Variants in GFRA2 observed in about 807,000 individuals in gnomAD.
GFRA2 encodes GDNF family receptor alpha 2.
Under a neutral mutation model 48.3 loss-of-function variants are expected in GFRA2, and 17 were observed. The ratio of observed to expected loss-of-function variants is 0.35; its 90% CI spans 0.24 to 0.53. GFRA2 has a LOEUF of 0.53. GFRA2 is among the 20% of genes least tolerant of loss of function. GFRA2 has a pLI of 0.93. For synonymous variants in GFRA2, 305 were observed against 257.2 expected (o/e 1.19, Z -1.78); for missense variants, 660 against 637.3 (o/e 1.04, Z -0.38).
chr8:21,732,245 T>C lies in GFRA2; in HGVS notation c.794+18343A>G, dbSNP rs188067376. 3.5e-4 allele frequency among the ~76,000 whole-genome samples: 54 copies of C among 152,342 alleles called. 1 individual carries two copies. In the South Asian group the frequency reaches 5.0e-3, roughly 14 times the overall value. On this transcript the variant is annotated intron_variant, in intron 4 of 8. Coordinates refer to ENST00000524240, the MANE Select transcript of GFRA2 (RefSeq NM_001495.5). ...CCCTTCCAGGGGACAAACAGGACTTTGAGGTCAGGAAGTCTGGTTGTGTCT... is the reference window on the plus strand; with the variant it reads ...CCCTTCCAGGGGACAAACAGGACTTCGAGGTCAGGAAGTCTGGTTGTGTCT...
rs371360893 is a variant in GFRA2, at chr8:21,694,522, G to C, written c.1219-5C>G. 7 of 1,609,064 alleles carry C rather than the reference G, an allele frequency of 4.4e-6. No homozygotes were observed. Among genetic ancestry groups the C allele is most frequent in the Non-Finnish European group, 5.1e-6 (6 of 1,178,056 alleles). ...GTTGGCCTTCAGCCCCTGCTCCTGC[G>C]AGAGAGAAGGTGCCAGTCAGGACGA... On this transcript the variant is annotated splice_region_variant and splice_polypyrimidine_tract_variant and intron_variant, in intron 7 of 8. Coordinates refer to ENST00000524240, the MANE Select transcript of GFRA2 (RefSeq NM_001495.5).
chr8:21,784,389 G>A (rs1807163751), intron 1 of GFRA2: 1 of 455,494 alleles, frequency 2.2e-6, no homozygotes, highest in Admixed American at 2.4e-5. Context: ...TCTCGCCTCA[G>A]AACATAATAA....
chr8:21,781,922 T>A (rs1807011374), intron 2 of GFRA2, among the ~76,000 whole-genome samples: 1 of 152,028 alleles, frequency 6.6e-6, no homozygotes, highest in African/African-American at 2.4e-5. Flanking sequence ...TGCCAAGGGA[T>A]GTGGGGCCTG....
chr8:21,710,160 G>C (rs1802946979), intron 4 of GFRA2, among the ~76,000 whole-genome samples: 1 of 152,184 alleles, frequency 6.6e-6, no homozygotes, highest in Admixed American at 6.5e-5. Flanking sequence ...ACCTTGGGCT[G>C]GCCTGTCATG....
chr8:21,773,486 AG>A (rs1279382997), intron 3 of GFRA2, among the ~76,000 whole-genome samples: 1 of 152,212 alleles, frequency 6.6e-6, no homozygotes, highest in Non-Finnish European at 1.5e-5. Flanking sequence ...TCAATCTCCT[AG>A]AGCGTGCTTT....
Position 21,690,963 on chromosome 8 carries a change from A to G in GFRA2, c.*2315T>C, listed in dbSNP as rs771763194. On this transcript the variant is annotated 3_prime_UTR_variant, in exon 9 of 9. Transcript: ENST00000524240. ...GATGCCATGACCACGTCTACCCGCA[A>G]TGGCTGGACAGAGACCTGGCTGGCT... 6.6e-6 allele frequency: 1 copy of G among 152,220 alleles called. No individual in the cohort carries two copies. Among genetic ancestry groups the G allele is most frequent in the Non-Finnish European group, 1.5e-5 (1 of 68,048 alleles). 9.4% of individuals were successfully genotyped at this position (152,220 alleles called of 1,614,324 possible).
intron 2 of GFRA2, among the ~76,000 whole-genome samples, chr8:21,794,871 T>TG (rs1807640270): frequency 6.6e-6 from 1 of 152,242 alleles, no homozygotes; most frequent in South Asian, 2.1e-4. Flanking sequence ...TGAACAGGGC[T>TG]GCTGGGGCAG....
chr8:21,693,346 G>A lies in GFRA2; in HGVS notation c.1327C>T (p.Pro443Ser), dbSNP rs77601365. The change falls in exon 9 of 9, where the codon CCC becomes TCC. Residue 443 changes from proline to serine, a missense_variant. Coordinates refer to ENST00000524240, the MANE Select transcript of GFRA2 (RefSeq NM_001495.5). ...SNKVIKPNSGPSRARPSAALT... is the reference protein window; with the variant it reads ...SNKVIKPNSGSSRARPSAALT... ...GCAGCCGACGGTCTGGCTCTGCTGG[G>A]GCCTGAGTTAGGTTTGATCACCTTG... 2.3e-3 allele frequency: 3,736 copies of A among 1,613,242 alleles called. 85 individuals carry two copies. The East Asian group carries it at 0.056, about 24-fold the overall frequency.
chr8:21,750,065 G>GTA lies in GFRA2; in HGVS notation c.794+521_794+522dup, dbSNP rs774247087. On this transcript the variant is annotated intron_variant, in intron 4 of 8. Transcript: ENST00000524240. The surrounding 1 kb of genome is among the most constrained non-coding windows in gnomAD (Gnocchi z 5.7). ...ATAATATATGTAAGTATATATATGTGTATATATGTGTGTGTGTGTGTATAC... is the reference window on the plus strand; with the variant it reads ...ATAATATATGTAAGTATATATATGTGTATATATATGTGTGTGTGTGTGTATAC... Among the ~76,000 whole-genome samples, 11 of 137,104 alleles carry GTA rather than the reference G, an allele frequency of 8.0e-5. No individual in the cohort carries two copies. In the South Asian group the frequency reaches 2.2e-3, roughly 27 times the overall value. The allele number at this position is 137,104 out of a possible 152,430, so 89.9% of individuals were successfully genotyped here.
At chr8:21,791,711 T>G (rs1317619404), upstream of GFRA2, among the ~76,000 whole-genome samples, 4 of 152,192 alleles carry the variant, frequency 2.6e-5, no homozygotes, top group African/African-American at 9.6e-5. Flanking sequence ...ACAAAGCGGC[T>G]AGTACAATGC....
intron 4 of GFRA2, among the ~76,000 whole-genome samples, chr8:21,746,912 C>G (rs950110389): frequency 1.2e-4 from 19 of 152,186 alleles, no homozygotes; most frequent in African/African-American, 4.1e-4. Flanking sequence ...GGGCTGCAGG[C>G]CTGGTAGGAG....
intron 3 of GFRA2, among the ~76,000 whole-genome samples, chr8:21,756,834 T>C (rs1048283451): frequency 2.6e-5 from 4 of 152,088 alleles, no homozygotes; most frequent in African/African-American, 9.7e-5. Context: ...ACCTGAGAGA[T>C]ATTCCGGAGC....
intron 4 of GFRA2, among the ~76,000 whole-genome samples, chr8:21,737,955 C>A (rs1444278232): frequency 6.6e-6 from 1 of 152,196 alleles, no homozygotes; most frequent in Admixed American, 6.5e-5. Context: ...CGGATGCTCG[C>A]TGCTTTTCAT....
At chr8:21,729,495 G>C (rs1366576431) in intron 4 of GFRA2, among the ~76,000 whole-genome samples, 2 of 152,124 alleles carry the variant, frequency 1.3e-5, no homozygotes, top group Non-Finnish European at 2.9e-5. Context: ...GGGCCTGGGA[G>C]ACGCCCCCCT....
Position 21,788,801 on chromosome 8 carries a change from CGT to C in GFRA2, c.-644_-643del, listed in dbSNP as rs1276201078. 16 of 985,224 alleles carry C rather than the reference CGT, an allele frequency of 1.6e-5. No homozygotes were observed. Among genetic ancestry groups the C allele is most frequent in the East Asian group, 1.1e-4 (1 of 8,812 alleles). The allele number at this position is 985,224 out of a possible 1,614,324, so 61.0% of individuals were successfully genotyped here. A position where few individuals can be genotyped will look rare whatever the true frequency, so the allele number is the denominator to read the frequency against. On this transcript the variant is annotated 5_prime_UTR_variant, in exon 1 of 9. Transcript: ENST00000524240. ...TCCAGTGACCGTGTGTCTCTGCGTG[CGT>C]GTGTCTTTCTCTCTCCTCTCTCTCT...
intron 2 of GFRA2, among the ~76,000 whole-genome samples, chr8:21,796,663 G>C (rs1163844823): frequency 1.3e-5 from 2 of 152,140 alleles, no homozygotes; most frequent in African/African-American, 4.8e-5. Flanking sequence ...TTTCATTCTG[G>C]AAACTTCTTT....
At chr8:21,743,594 C>G (rs1389500827) in intron 4 of GFRA2, among the ~76,000 whole-genome samples, 1 of 152,178 alleles carries the variant, frequency 6.6e-6, no homozygotes, top group Non-Finnish European at 1.5e-5. Flanking sequence ...CAATCGAACA[C>G]AATGCCTGGC....
At chr8:21,790,994 G>A (rs1238248688), upstream of GFRA2, among the ~76,000 whole-genome samples, 3 of 152,010 alleles carry the variant, frequency 2.0e-5, no homozygotes, top group Admixed American at 6.6e-5. Flanking sequence ...AGGGTCTTCT[G>A]GTTGTCCAAA....
At chr8:21,792,422 G>C (rs1393374525), upstream of GFRA2, among the ~76,000 whole-genome samples, 2 of 152,164 alleles carry the variant, frequency 1.3e-5, no homozygotes, top group African/African-American at 4.8e-5. Context: ...CTCTGCCATG[G>C]GACAGAGCCT....
Sources: gnomAD v4.1 joint callset for allele counts (sites outside exome capture counted in the v4.1 genomes callset) on GRCh38, gnomAD v4.1.1 for gene constraint, Gnocchi (gnomAD v3.1) non-coding constraint, MANE v1.5 for transcripts, NCBI Gene and HGNC (gene_info 2026-07-23, HGNC 2026-07-21) for gene names.